The following MSRA variants were observed in gnomAD, a reference collection of about 807,000 sequenced individuals.
MSRA encodes methionine sulfoxide reductase A.
Under a neutral mutation model 31.3 loss-of-function variants are expected in MSRA, and 54 were observed. That is an observed-to-expected ratio of 1.73 (90% CI 1.39 to 2.17). The LOEUF (loss-of-function observed/expected upper bound fraction) is 2.17. MSRA is among the 30% of genes most tolerant of loss of function. The pLI is 0.00. For synonymous variants in MSRA, 169 were observed against 116.5 expected, an observed-to-expected ratio of 1.45 and a Z score of -2.90; for missense variants, 507 against 300.9, an observed-to-expected ratio of 1.69 and a Z score of -5.07.
intron 1 of MSRA, among the ~76,000 whole-genome samples, chr8:10,106,491 T>C (rs1799891959): frequency 6.6e-6 from 1 of 152,056 alleles, no homozygotes; most frequent in Non-Finnish European, 1.5e-5. Flanking sequence ...AAATAATGAC[T>C]GTTGTTTAAT....
intron 2 of MSRA, among the ~76,000 whole-genome samples, chr8:10,210,319 C>T (rs1809366363): frequency 6.6e-6 from 1 of 152,174 alleles, no homozygotes; most frequent in Non-Finnish European, 1.5e-5. Context: ...GACCTGGAAT[C>T]TATGTTCTTG....
Position 10,364,869 on chromosome 8 carries a change from G to A in MSRA, c.543+44880G>A, listed in dbSNP as rs928075192. 5.9e-5 allele frequency among the ~76,000 whole-genome samples: 9 copies of A among 152,280 alleles called. No homozygotes were observed. The South Asian group carries it at 1.4e-3, about 25-fold the overall frequency. On this transcript the variant is annotated intron_variant, in intron 5 of 5. Coordinates refer to ENST00000317173, the MANE Select transcript of MSRA (RefSeq NM_012331.5). ...CATTGGAGTTGTCAATTTCATGTGC[G>A]TGGGTCTTTCCCTAAACTGTGAATC... is the stretch of plus-strand genomic sequence containing the variant.
At chr8:10,299,436 T>C (rs186115799) in intron 3 of MSRA, among the ~76,000 whole-genome samples, 12 of 152,308 alleles carry the variant, frequency 7.9e-5, no homozygotes, top group Admixed American at 5.2e-4. Flanking sequence ...ATACCTACTG[T>C]ATCTTTTTCC....
intron 1 of MSRA, among the ~76,000 whole-genome samples, chr8:10,097,941 T>C (rs1258903744): frequency 6.6e-6 from 1 of 152,126 alleles, no homozygotes; most frequent in East Asian, 1.9e-4. Context: ...CTCTCTGGCC[T>C]ACACATTACA....
intron 2 of MSRA, among the ~76,000 whole-genome samples, chr8:10,230,207 A>C (rs188110893): frequency 1.8e-4 from 28 of 152,346 alleles, no homozygotes; most frequent in African/African-American, 5.8e-4. Flanking sequence ...CAGGCATTCC[A>C]TAGGGTAGAC....
intron 1 of MSRA, among the ~76,000 whole-genome samples, chr8:10,081,282 G>GCTGA (rs1237500647): frequency 6.6e-6 from 1 of 152,218 alleles, no homozygotes; most frequent in Non-Finnish European, 1.5e-5. Context: ...GCATCCCATA[G>GCTGA]CTGACTTCTA....
intron 1 of MSRA, among the ~76,000 whole-genome samples, chr8:10,156,853 T>C (rs923418194): frequency 6.6e-6 from 1 of 151,212 alleles, no homozygotes; most frequent in African/African-American, 2.4e-5. Context: ...AATTGGATTC[T>C]TTACTTAGTC....
At chr8:10,064,188 G>A (rs1244412617) in intron 1 of MSRA, among the ~76,000 whole-genome samples, 1 of 152,090 alleles carries the variant, frequency 6.6e-6, no homozygotes, top group East Asian at 1.9e-4. Flanking sequence ...GCTTTCTCCT[G>A]GATATCCTAT....
At chr8:10,206,690 G>A (rs1249476005) in intron 1 of MSRA, among the ~76,000 whole-genome samples, 4 of 152,104 alleles carry the variant, frequency 2.6e-5, no homozygotes, top group African/African-American at 7.2e-5. Context: ...CTTCTCCTTC[G>A]GACTCCAGGA....
At chr8:10,110,496 C>G (rs1220011697) in intron 1 of MSRA, among the ~76,000 whole-genome samples, 2 of 152,164 alleles carry the variant, frequency 1.3e-5, no homozygotes, top group Admixed American at 6.5e-5. Flanking sequence ...ACAGTGCAAA[C>G]AAGACCACCG....
At chr8:10,382,364 C>T (rs1226715182) in intron 5 of MSRA, among the ~76,000 whole-genome samples, 1 of 152,180 alleles carries the variant, frequency 6.6e-6, no homozygotes, top group African/African-American at 2.4e-5. Flanking sequence ...TCATGGTCTT[C>T]ATCTCCCAAC....
rs141711186 is a variant in MSRA, at chr8:10,106,380, G to A, written c.142+51722G>A. ...ATATTTCCTTCTTTCTCCACTTACT[G>A]AATTCTTACCTGGAATCAGCATTTG... On this transcript the variant is annotated intron_variant, in intron 1 of 5. Transcript: ENST00000317173. Among the ~76,000 whole-genome samples the A allele has an allele frequency of 1.5e-4, 23 of 152,184 alleles. 1 individual carries two copies. In the East Asian group the frequency reaches 4.4e-3, roughly 29 times the overall value.
At chr8:10,413,717 A>G (rs1585724283) in intron 5 of MSRA, among the ~76,000 whole-genome samples, 1 of 152,302 alleles carries the variant, frequency 6.6e-6, no homozygotes, top group Middle Eastern at 3.4e-3. Flanking sequence ...TTTTTAAAAA[A>G]TCGCCAGAAG....
At chr8:10,098,694 C>T (rs986600971) in intron 1 of MSRA, among the ~76,000 whole-genome samples, 3 of 152,092 alleles carry the variant, frequency 2.0e-5, no homozygotes, top group South Asian at 2.1e-4. Context: ...TTGTATTACA[C>T]GTAGCTGTAA....
At chr8:10,134,402 C>A (rs1008442392) in intron 1 of MSRA, among the ~76,000 whole-genome samples, 2 of 152,238 alleles carry the variant, frequency 1.3e-5, no homozygotes, top group African/African-American at 2.4e-5. Flanking sequence ...ACTGCAGATA[C>A]GTGCCTGTCC....
chr8:10,086,815 G>A (rs1012995264), intron 1 of MSRA, among the ~76,000 whole-genome samples: 1 of 151,670 alleles, frequency 6.6e-6, no homozygotes, highest in South Asian at 2.1e-4. Context: ...GGAGGGGAGG[G>A]AAAGGAGAGG....
chr8:10,064,750 G>A (rs1387366142), intron 1 of MSRA, among the ~76,000 whole-genome samples: 3 of 152,038 alleles, frequency 2.0e-5, no homozygotes, highest in Non-Finnish European at 4.4e-5. Context: ...TTTATACTTT[G>A]CATAGGTCAA....
chr8:10,223,128 CAG>C (rs1810675265), intron 2 of MSRA, among the ~76,000 whole-genome samples: 1 of 152,188 alleles, frequency 6.6e-6, no homozygotes, highest in Admixed American at 6.5e-5. Flanking sequence ...TAGCAAAACA[CAG>C]ATACACGTCC....
At chr8:10,291,232 A>T (rs570567942) in intron 3 of MSRA, among the ~76,000 whole-genome samples, 45 of 152,316 alleles carry the variant, frequency 3.0e-4, no homozygotes, top group African/African-American at 9.9e-4. Flanking sequence ...TCTCTGAAGG[A>T]TATGTCTGTA....
Sources: gnomAD v4.1 joint callset for allele counts (sites outside exome capture counted in the v4.1 genomes callset) on GRCh38, gnomAD v4.1.1 for gene constraint, MANE v1.5 for transcripts, NCBI Gene and HGNC (gene_info 2026-07-23, HGNC 2026-07-21) for gene names.